IDUA: variants seen among roughly 807,000 people sequenced by gnomAD.
IDUA encodes alpha-L-iduronidase, also known as iduronidase alpha-L-.
In IDUA, 65 loss-of-function variants were observed where a neutral mutation model predicts 68.9. The ratio of observed to expected loss-of-function variants is 0.94; its 90% confidence interval spans 0.77 to 1.16. IDUA has a LOEUF of 1.16. IDUA is among the 50% of genes most tolerant of loss of function. The probability of loss-of-function intolerance (pLI) is 0.00; values close to 1 mark genes in which losing one functional copy is unlikely to be tolerated. For missense variants in IDUA, 1,046 were observed against 938.0 expected, an observed-to-expected ratio of 1.12 and a Z score of -1.50; for synonymous variants, 529 against 433.6, an observed-to-expected ratio of 1.22 and a Z score of -2.73.
At position 1,004,049 on chromosome 4, in the gene IDUA, G is replaced by C. The variant is rs144941693; in HGVS notation, c.1765G>C (p.Gly589Arg). The change falls in exon 13 of 14, where the codon GGT (glycine) becomes CGT (arginine). Residue 589 changes from glycine to arginine, a missense_variant. Coordinates refer to ENST00000514224, the MANE Select transcript of IDUA (RefSeq NM_000203.5). This position sits in a 1 kb window ranked among gnomAD's most constrained non-coding sequence, Gnocchi z 5.0. ...WTYEIQFSQD[G>R]KAYTPVSRKP... is the part of the protein sequence containing the mutation. ...ATACGAGATCCAGTTCTCTCAGGAC[G>C]GTAAGGCGTACACCCCGGTCAGCAG... 3 of 1,612,112 alleles carry C rather than the reference G, an allele frequency of 1.9e-6. No homozygotes were observed. The highest frequency in any genetic ancestry group is 1.3e-5 in the African/African-American group (1 of 74,430).
chr4:990,424 C>T, intron 2 of IDUA: 1 of 1,471,500 alleles, frequency 6.8e-7, no homozygotes, highest in South Asian at 1.3e-5. Context: ...CCCTCACCAG[C>T]ACCTGGCATG....
Position 1,000,604 on chromosome 4 carries a change from T to G in IDUA, c.300-8T>G, listed in dbSNP as rs1300097473. On this transcript the variant is annotated splice_polypyrimidine_tract_variant and splice_region_variant and intron_variant, in intron 2 of 13. Transcript: ENST00000514224. ...CCCTGCTTCCTGACGCTGACCGTCC[T>G]TCTGCAGGGGGTCCACTGGACGGGG... The G allele has an allele frequency of 6.2e-7, 1 of 1,609,968 alleles. No individual in the cohort carries two copies.
chr4:1,002,714 C>CA lies in IDUA; in HGVS notation c.1190-18_1190-17insA. ...GGGCAACGACCCCACGCGGCGACGGCCCCCCCCCGCCCCGCAGATGAGGAG... is the reference window on the plus strand; with the variant it reads ...GGGCAACGACCCCACGCGGCGACGGCACCCCCCCCGCCCCGCAGATGAGGAG... On this transcript the variant is annotated splice_polypyrimidine_tract_variant and intron_variant, in intron 8 of 13. Transcript: ENST00000514224. The CA allele has an allele frequency of 1.7e-6, 2 of 1,204,620 alleles. No homozygotes were observed. Among genetic ancestry groups the CA allele is most frequent in the South Asian group, 1.5e-5 (1 of 67,272 alleles). The allele number at this position is 1,204,620 out of a possible 1,614,324, so 74.6% of individuals were successfully genotyped here. A position where few individuals can be genotyped will look rare whatever the true frequency, so the allele number is the denominator to read the frequency against.
Position 989,623 on chromosome 4 carries a change from C to A in IDUA, c.299+1674C>A, listed in dbSNP as rs148721282. ...CACGATGACGCAGGCCAGCACGCTT[C>A]GCTGTAGGTCGTGGAACAGCGGTGC... On this transcript the variant is annotated intron_variant, in intron 2 of 13. Transcript: ENST00000514224. 1.9e-6 allele frequency: 3 copies of A among 1,600,004 alleles called. No homozygotes were observed. Among genetic ancestry groups the A allele is most frequent in the Non-Finnish European group, 1.7e-6 (2 of 1,174,878 alleles).
chr4:998,980 G>A (rs569458529), intron 2 of IDUA, among the ~76,000 whole-genome samples: 16 of 152,118 alleles, frequency 1.1e-4, no homozygotes, highest in East Asian at 3.9e-4. Context: ...CAAGGTGGGC[G>A]GATCACGAGG....
intron 1 of IDUA, 133 bp downstream of exon 1, chr4:987,375 C>T (rs577464111): frequency 3.1e-6 from 3 of 960,814 alleles, no homozygotes; most frequent in African/African-American, 1.7e-5. Context: ...GGCCCGCCCC[C>T]CGCCGTGTTT....
At chr4:991,046 C>A in intron 2 of IDUA, 1 of 1,370,998 alleles carries the variant, frequency 7.3e-7, no homozygotes, top group Non-Finnish European at 9.8e-7. Flanking sequence ...CTGTGCTTGC[C>A]CCCAGCCTTG....
intron 2 of IDUA, chr4:989,449 G>T (rs749932178): frequency 2.6e-6 from 4 of 1,553,942 alleles, no homozygotes; most frequent in African/African-American, 1.4e-5. Context: ...GCTGAGCAGC[G>T]AGAGGATGAC....
rs765815271 is a variant in IDUA at position 1,003,460 on chromosome 4, C to T, written c.1640C>T (p.Pro547Leu). 6.4e-7 allele frequency: 1 copy of T among 1,559,562 alleles called. No homozygotes were observed. Among genetic ancestry groups the T allele is most frequent in the South Asian group, 1.1e-5 (1 of 87,030 alleles). ...LVHVCARPEK[P>L]PGQVTRLRAL... ...CACGTGTGTGCGCGCCCCGAGAAGC[C>T]GCCCGGGCAGGCAAGTGGCAGTCCC... The change falls in exon 11 of 14, where the codon CCG (proline) becomes CTG (leucine). Residue 547 changes from proline to leucine, a missense_variant. Physicochemically the swap from Pro to Leu is moderately conservative, Grantham distance 98. Coordinates refer to ENST00000514224, the MANE Select transcript of IDUA (RefSeq NM_000203.5).
intron 2 of IDUA, chr4:988,876 C>G (rs148726880): frequency 6.3e-7 from 1 of 1,598,622 alleles, no homozygotes; most frequent in Non-Finnish European, 8.5e-7. Context: ...GTGGCGGGCT[C>G]GTGCTGTCTG....
intron 4 of IDUA, 23 bp downstream of exon 4, chr4:1,001,012 G>T (rs762125393): frequency 1.3e-6 from 2 of 1,552,126 alleles, no homozygotes; most frequent in Non-Finnish European, 1.8e-6. Context: ...AGGCCCTGGG[G>T]CCCTGGCCGG....
At chr4:998,117 T>C (rs1714853473) in intron 2 of IDUA, among the ~76,000 whole-genome samples, 1 of 150,556 alleles carries the variant, frequency 6.6e-6, no homozygotes, top group Non-Finnish European at 1.5e-5. Flanking sequence ...GTCCTTTGGA[T>C]GGAGGGGAGG....
At chr4:991,662 C>T (rs772890492) in intron 2 of IDUA, 14 of 1,542,984 alleles carry the variant, frequency 9.1e-6, no homozygotes, top group South Asian at 7.4e-5. Context: ...GGACCGGCAC[C>T]GGCCCTCTGC....
Position 989,460 on chromosome 4 carries a change from G to A in IDUA, c.299+1511G>A, listed in dbSNP as rs757870082. ...CCAGGCTGAGCAGCGAGAGGATGAC[G>A]CCAGCCAGCAGCCCGGCCTCTGTGC... On this transcript the variant is annotated intron_variant, in intron 2 of 13. Coordinates refer to ENST00000514224, the MANE Select transcript of IDUA (RefSeq NM_000203.5). 3 of 1,553,702 alleles carry A rather than the reference G, an allele frequency of 1.9e-6. No homozygotes were observed. Among genetic ancestry groups the A allele is most frequent in the South Asian group, 1.2e-5 (1 of 84,514 alleles).
rs756619696 is a variant in IDUA at position 989,179 on chromosome 4, G to A, written c.299+1230G>A. ...CGGGCCCAGGTCCTCGCCCTGGGCA[G>A]GGCCTCCCTCACCGACCCCCGTCTC... On this transcript the variant is annotated intron_variant, in intron 2 of 13. Coordinates refer to ENST00000514224, the MANE Select transcript of IDUA (RefSeq NM_000203.5). 20 of 1,607,580 alleles carry A rather than the reference G, an allele frequency of 1.2e-5. No individual in the cohort carries two copies. Among genetic ancestry groups the A allele is most frequent in the Non-Finnish European group, 1.6e-5 (19 of 1,176,588 alleles).
chr4:1,000,563 T>G (rs768264767), intron 2 of IDUA, 49 bp from the exon 3 acceptor site: 3 of 1,408,518 alleles, frequency 2.1e-6, no homozygotes, highest in Non-Finnish European at 3.0e-6. Flanking sequence ...GCCTGGAGCA[T>G]GGAGCTGTGT....
Position 1,004,340 on chromosome 4 carries a change from C to G in IDUA, c.1909C>G (p.Pro637Ala), listed in dbSNP as rs1327059390. The change falls in exon 14 of 14, where the codon CCG becomes GCG. Residue 637 changes from proline to alanine, a missense_variant. Coordinates refer to ENST00000514224, the MANE Select transcript of IDUA (RefSeq NM_000203.5). This position sits in a 1 kb window ranked among gnomAD's most constrained non-coding sequence, Gnocchi z 5.0. ...ARPGPFSDPVPYLEVPVPRGP... is the reference protein window; with the variant it reads ...ARPGPFSDPVAYLEVPVPRGP... The stretch of plus-strand genomic sequence containing the variant: ...ACCAGGCCCCTTCTCGGACCCTGTG[C>G]CGTACCTGGAGGTCCCTGTGCCAAG... 8 of 1,611,732 alleles carry G rather than the reference C, an allele frequency of 5.0e-6. No individual in the cohort carries two copies. The South Asian group carries it at 6.6e-5, about 13-fold the overall frequency.
chr4:1,003,180 A>AGGGGC (rs1465048928), intron 10 of IDUA, 23 bp downstream of exon 10: 1 of 694,506 alleles, frequency 1.4e-6, no homozygotes, highest in Admixed American at 1.5e-4. Flanking sequence ...CGGAGGGGCG[A>AGGGGC]GGGGCCGGGC....
intron 2 of IDUA, among the ~76,000 whole-genome samples, chr4:999,048 CA>C (rs202044389): frequency 7.2e-5 from 11 of 151,826 alleles, no homozygotes; most frequent in South Asian, 2.1e-4. Context: ...ACTAAAAATA[CA>C]AAAAAATTAG....
Sources: gnomAD v4.1 joint callset for allele counts (sites outside exome capture counted in the v4.1 genomes callset) on GRCh38, gnomAD v4.1.1 for gene constraint, Gnocchi (gnomAD v3.1) non-coding constraint, MANE v1.5 for transcripts, NCBI Gene and HGNC (gene_info 2026-07-23, HGNC 2026-07-21) for gene names.